COL4A5: variants seen among roughly 807,000 people sequenced by gnomAD.
The protein encoded by COL4A5 is collagen alpha-5(IV) chain.
A neutral mutation model predicts 130.2 loss-of-function variants in COL4A5; 26 were observed. That is an observed-to-expected ratio of 0.20 (90% CI 0.15 to 0.28). The LOEUF is 0.28. Ranked by LOEUF, COL4A5 falls within the 10% of genes least tolerant of loss-of-function variation. The probability of loss-of-function intolerance (pLI) is 1.00; values close to 1 mark genes in which losing one functional copy is unlikely to be tolerated. For missense variants in COL4A5, 1,131 were observed against 1,344.3 expected, an observed-to-expected ratio of 0.84 and a Z score of 2.48; for synonymous variants, 496 against 439.6, an observed-to-expected ratio of 1.13 and a Z score of -1.60.
intron 1 of COL4A5, among the ~76,000 whole-genome samples, chrX:108,489,214 T>C (rs1305351762): frequency 8.9e-6 from 1 of 111,904 alleles, no homozygotes; most frequent in East Asian, 2.8e-4. Context: ...AGAAGTTCAG[T>C]GTATATTTAA....
chrX:108,546,515 G>A (rs1404586970), intron 2 of COL4A5, among the ~76,000 whole-genome samples: 3 of 111,683 alleles, frequency 2.7e-5, no homozygotes, highest in African/African-American at 9.8e-5. Flanking sequence ...TGGGTAACCC[G>A]ACCTTTCTCT....
rs1478358591 is a variant in COL4A5, at chrX:108,623,147, C to A, written c.2917+322C>A. 2.7e-5 allele frequency among the ~76,000 whole-genome samples: 3 copies of A among 112,062 alleles called. No individual in the cohort carries two copies. In the East Asian group the frequency reaches 8.4e-4, roughly 31 times the overall value. On this transcript the variant is annotated intron_variant, in intron 33 of 52. Coordinates refer to ENST00000328300, the MANE Select transcript of COL4A5 (RefSeq NM_033380.3). Reference sequence around the variant, plus strand: ...TATATAGCCACAATTACTTGAAAAACAAATTTCAGTGTTTAGGAAATTTGC... The same window carrying A: ...TATATAGCCACAATTACTTGAAAAAAAAATTTCAGTGTTTAGGAAATTTGC...
At chrX:108,495,648 G>A (rs1569477765) in intron 1 of COL4A5, among the ~76,000 whole-genome samples, 1 of 111,671 alleles carries the variant, frequency 9.0e-6, no homozygotes, top group African/African-American at 3.3e-5. Flanking sequence ...CCCTGAATGG[G>A]CAAAAAACAT....
chrX:108,552,642 C>T (rs1023366211), intron 2 of COL4A5, among the ~76,000 whole-genome samples: 67 of 111,492 alleles, frequency 6.0e-4, no homozygotes, highest in African/African-American at 2.1e-3. Flanking sequence ...TAAAAGAAGA[C>T]CTGAATAAAT....
At chrX:108,584,073 T>TAAAA (rs56676245) in intron 17 of COL4A5, among the ~76,000 whole-genome samples, 31 of 57,501 alleles carry the variant, frequency 5.4e-4, no homozygotes, top group African/African-American at 1.8e-3. Flanking sequence ...TGGCTAAATG[T>TAAAA]AAAAAAAAAA....
intron 1 of COL4A5, among the ~76,000 whole-genome samples, chrX:108,486,784 T>C (rs2064949216): frequency 8.9e-6 from 1 of 112,245 alleles, no homozygotes; most frequent in South Asian, 3.7e-4. Context: ...TTCCATGCTA[T>C]TTATATACCA....
Position 108,665,505 on chromosome X carries a change from A to G in COL4A5, c.3374-2A>G. On this transcript the variant is annotated splice_acceptor_variant, in intron 37 of 52. Coordinates refer to ENST00000328300, the MANE Select transcript of COL4A5 (RefSeq NM_033380.3). LOFTEE classifies it high-confidence loss of function. Reference sequence around the variant, plus strand: ...ATTTTTAAATTGAGCTCTTTACTCTAGGAACCCCAGGCCCTCCTGGACCAA... The same window carrying G: ...ATTTTTAAATTGAGCTCTTTACTCTGGGAACCCCAGGCCCTCCTGGACCAA... 1 of 1,199,040 alleles carries G rather than the reference A, an allele frequency of 8.3e-7. No homozygotes were observed. The highest frequency in any genetic ancestry group is 1.1e-6 in the Non-Finnish European group (1 of 884,611).
chrX:108,494,814 A>T (rs2065020447), intron 1 of COL4A5, among the ~76,000 whole-genome samples: 1 of 111,750 alleles, frequency 8.9e-6, no homozygotes, highest in African/African-American at 3.2e-5. Flanking sequence ...CATTATCTTC[A>T]GCCCCATGAT....
chrX:108,474,612 A>G lies in COL4A5; in HGVS notation c.81+34406A>G, dbSNP rs145909133. ...GCTTTGTAGATTTTTAGTTTGATGC[A>G]ATACCATTTGTTTATTTTTCCTTTT... On this transcript the variant is annotated intron_variant, in intron 1 of 52. Coordinates refer to ENST00000328300, the MANE Select transcript of COL4A5 (RefSeq NM_033380.3). Among the ~76,000 whole-genome samples the G allele has an allele frequency of 4.8e-4, 54 of 112,097 alleles. No individual in the cohort carries two copies. In the East Asian group the frequency reaches 0.015, roughly 31 times the overall value.
At chrX:108,506,122 G>C (rs1249006493) in intron 1 of COL4A5, among the ~76,000 whole-genome samples, 1 of 111,735 alleles carries the variant, frequency 8.9e-6, no homozygotes, top group Admixed American at 9.5e-5. Context: ...CCTTTAACAA[G>C]ACTCTAGTCT....
intron 37 of COL4A5, among the ~76,000 whole-genome samples, chrX:108,659,011 T>G (rs1225783739): frequency 9.0e-6 from 1 of 111,315 alleles, no homozygotes; most frequent in African/African-American, 3.3e-5. Context: ...AGCTTTGTCT[T>G]TTCTAATAGA....
At chrX:108,525,302 A>G (rs1033107139) in intron 1 of COL4A5, among the ~76,000 whole-genome samples, 4 of 111,867 alleles carry the variant, frequency 3.6e-5, no homozygotes, top group African/African-American at 9.7e-5. Context: ...TTATTAGCAC[A>G]TCTACTCTAG....
At chrX:108,521,031 AAAGT>A (rs1392729713) in intron 1 of COL4A5, among the ~76,000 whole-genome samples, 3 of 111,881 alleles carry the variant, frequency 2.7e-5, no homozygotes, top group African/African-American at 9.7e-5. Context: ...AAGCCATTTA[AAAGT>A]AAGTTGCAGA....
chrX:108,680,021 T>C (rs1249494914), intron 44 of COL4A5, among the ~76,000 whole-genome samples: 3 of 111,378 alleles, frequency 2.7e-5, no homozygotes, highest in Non-Finnish European at 5.7e-5. Context: ...AAAGGGAGGG[T>C]TTGGCTTAAG....
intron 1 of COL4A5, among the ~76,000 whole-genome samples, chrX:108,472,435 A>G (rs756935397): frequency 2.2e-4 from 25 of 112,205 alleles, no homozygotes; most frequent in Non-Finnish European, 3.9e-4. Flanking sequence ...CGAAGTATCC[A>G]ACAATCATTA....
At chrX:108,646,239 C>G (rs1161937266) in intron 36 of COL4A5, among the ~76,000 whole-genome samples, 1 of 111,469 alleles carries the variant, frequency 9.0e-6, no homozygotes, top group Non-Finnish European at 1.9e-5. Flanking sequence ...TCTCCAGCAC[C>G]TGTTGTTTCC....
At chrX:108,643,521 C>T (rs1185726798) in intron 36 of COL4A5, among the ~76,000 whole-genome samples, 1 of 111,803 alleles carries the variant, frequency 8.9e-6, no homozygotes, top group Non-Finnish European at 1.9e-5. Context: ...GAATTCTCAG[C>T]AGAAACCCTA....
chrX:108,539,023 G>C (rs939976583), intron 1 of COL4A5, among the ~76,000 whole-genome samples: 2 of 111,516 alleles, frequency 1.8e-5, no homozygotes, highest in Non-Finnish European at 3.8e-5. Flanking sequence ...GCAAAGAAAA[G>C]AAAGAAAGGT....
At chrX:108,473,609 A>ATG (rs1427158095) in intron 1 of COL4A5, among the ~76,000 whole-genome samples, 149 of 46,932 alleles carry the variant, frequency 3.2e-3, no homozygotes, top group Non-Finnish European at 4.2e-3. Context: ...ATATATATAT[A>ATG]TATGTATATA....
Sources: gnomAD v4.1 joint callset for allele counts (sites outside exome capture counted in the v4.1 genomes callset) on GRCh38, gnomAD v4.1.1 for gene constraint, MANE v1.5 for transcripts, NCBI Gene and HGNC (gene_info 2026-07-23, HGNC 2026-07-21) for gene names.